KCNIP4: variants seen among roughly 807,000 people sequenced by gnomAD.
KCNIP4 encodes potassium voltage-gated channel interacting protein 4.
A neutral mutation model predicts 34.0 loss-of-function variants in KCNIP4; 12 were observed. That is an observed-to-expected ratio of 0.35 (90% CI 0.23 to 0.57). KCNIP4 has a LOEUF of 0.57. Among genes scored for constraint, KCNIP4 ranks in the 20% least tolerant of loss-of-function variants. The probability of loss-of-function intolerance (pLI) is 0.83; values close to 1 mark genes in which losing one functional copy is unlikely to be tolerated. For synonymous variants in KCNIP4, 124 were observed against 102.2 expected (o/e 1.21, Z -1.29); for missense variants, 238 against 311.7 (o/e 0.76, Z 1.78).
At chr4:21,246,211 TC>T (rs1406296724) in intron 1 of KCNIP4, among the ~76,000 whole-genome samples, 1 of 152,098 alleles carries the variant, frequency 6.6e-6, no homozygotes, top group Non-Finnish European at 1.5e-5. Flanking sequence ...GGACACCCTT[TC>T]CCTACACACA....
At chr4:21,934,887 G>C (rs987509817) in intron 1 of KCNIP4, among the ~76,000 whole-genome samples, 1 of 152,116 alleles carries the variant, frequency 6.6e-6, no homozygotes, top group African/African-American at 2.4e-5. Context: ...AAAATTGCTT[G>C]AGTGTCCCTC....
intron 1 of KCNIP4, among the ~76,000 whole-genome samples, chr4:21,701,669 G>A (rs1206794853): frequency 2.0e-5 from 3 of 152,070 alleles, no homozygotes; most frequent in Non-Finnish European, 4.4e-5. Context: ...CAAAAATTAA[G>A]ATGGATGTTT....
At chr4:21,257,179 A>C (rs2109093746) in intron 1 of KCNIP4, among the ~76,000 whole-genome samples, 1 of 152,282 alleles carries the variant, frequency 6.6e-6, no homozygotes, top group African/African-American at 2.4e-5. Context: ...GGGAAAGACT[A>C]AAAAAGGCAC....
chr4:21,444,056 C>T (rs1473059380), intron 1 of KCNIP4, among the ~76,000 whole-genome samples: 3 of 152,088 alleles, frequency 2.0e-5, no homozygotes, highest in East Asian at 1.9e-4. Flanking sequence ...ACACATACAC[C>T]CTCCCAAGAC....
intron 1 of KCNIP4, among the ~76,000 whole-genome samples, chr4:21,907,294 C>A (rs12506544): frequency 1.3e-5 from 2 of 151,888 alleles, no homozygotes; most frequent in Admixed American, 6.6e-5. Context: ...AAAGCAAGGC[C>A]GCCCCTCACA....
intron 1 of KCNIP4, among the ~76,000 whole-genome samples, chr4:21,733,960 G>C (rs1715800534): frequency 6.6e-6 from 1 of 152,148 alleles, no homozygotes; most frequent in Non-Finnish European, 1.5e-5. Flanking sequence ...AAAAGACCTT[G>C]CAGAGGTCTC....
intron 1 of KCNIP4, among the ~76,000 whole-genome samples, chr4:21,339,062 T>C (rs1716471416): frequency 6.6e-6 from 1 of 152,140 alleles, no homozygotes; most frequent in Non-Finnish European, 1.5e-5. Context: ...AGGAAGTAAG[T>C]CCTTGATTCC....
chr4:21,467,905 G>A (rs1730131185), intron 1 of KCNIP4, among the ~76,000 whole-genome samples: 1 of 152,122 alleles, frequency 6.6e-6, no homozygotes, highest in South Asian at 2.1e-4. Flanking sequence ...AAAACTTTAG[G>A]AAATATCCTG....
intron 3 of KCNIP4, among the ~76,000 whole-genome samples, chr4:20,847,358 G>T (rs1720504459): frequency 6.6e-6 from 1 of 152,112 alleles, no homozygotes; most frequent in Non-Finnish European, 1.5e-5. Flanking sequence ...CTCCAGACCA[G>T]CAGCATCAGC....
rs147251939 is a variant in KCNIP4 at position 21,430,373 on chromosome 4, C to T, written c.61+518198G>A. Among the ~76,000 whole-genome samples the T allele has an allele frequency of 7.6e-4, 115 of 150,472 alleles. 1 individual carries two copies. The highest frequency in any genetic ancestry group is 2.6e-3 in the African/African-American group (107 of 40,898). ...TCTCCCTTGATAAGGGAGGGTTTAT[C>T]AGTGGTATTCTATTAGCAAAGTAGA... On this transcript the variant is annotated intron_variant, in intron 1 of 8. Transcript: ENST00000382152.
At chr4:21,107,068 T>C (rs1259718834) in intron 1 of KCNIP4, among the ~76,000 whole-genome samples, 2 of 147,466 alleles carry the variant, frequency 1.4e-5, no homozygotes, top group Non-Finnish European at 3.0e-5. Context: ...AAAAAATGTA[T>C]ATTCTGTTGA....
chr4:20,932,287 C>G (rs1730560881), intron 1 of KCNIP4, among the ~76,000 whole-genome samples: 1 of 77,580 alleles, frequency 1.3e-5, no homozygotes, highest in Non-Finnish European at 2.3e-5. Context: ...CTATAACAGT[C>G]TAATATTGTA....
intron 1 of KCNIP4, among the ~76,000 whole-genome samples, chr4:21,384,091 C>T (rs1018639649): frequency 5.9e-5 from 9 of 152,084 alleles, no homozygotes; most frequent in African/African-American, 2.2e-4. Flanking sequence ...ATCCAGAATA[C>T]ACTTTCACCA....
intron 1 of KCNIP4, among the ~76,000 whole-genome samples, chr4:21,477,867 A>G (rs1461242704): frequency 6.6e-6 from 1 of 152,172 alleles, no homozygotes; most frequent in East Asian, 1.9e-4. Flanking sequence ...AGCCAAAGGA[A>G]CACAAGCCTG....
intron 1 of KCNIP4, among the ~76,000 whole-genome samples, chr4:21,466,969 C>T (rs1316367568): frequency 6.6e-6 from 1 of 151,932 alleles, no homozygotes; most frequent in African/African-American, 2.4e-5. Flanking sequence ...CCTGATCCTA[C>T]AGCTTTTCAG....
At chr4:21,030,927 T>G (rs983731747) in intron 1 of KCNIP4, among the ~76,000 whole-genome samples, 1 of 152,172 alleles carries the variant, frequency 6.6e-6, no homozygotes. Context: ...CCATGAAAGA[T>G]AGTCTCATTC....
intron 1 of KCNIP4, among the ~76,000 whole-genome samples, chr4:21,838,948 T>C (rs1723515359): frequency 6.6e-6 from 1 of 152,202 alleles, no homozygotes; most frequent in Non-Finnish European, 1.5e-5. Flanking sequence ...TGAATGTCCT[T>C]CAGTCAAATA....
intron 1 of KCNIP4, among the ~76,000 whole-genome samples, chr4:21,285,042 TAC>T (rs1005701685): frequency 3.9e-5 from 6 of 152,158 alleles, no homozygotes; most frequent in East Asian, 1.9e-4. Flanking sequence ...CCACATTTGA[TAC>T]ACACACATAA....
chr4:21,653,247 C>T (rs928663650), intron 1 of KCNIP4, among the ~76,000 whole-genome samples: 2 of 152,106 alleles, frequency 1.3e-5, no homozygotes, highest in Admixed American at 1.3e-4. Flanking sequence ...GGGCACACTG[C>T]CTGGGTTAAA....
Sources: gnomAD v4.1 joint callset for allele counts (sites outside exome capture counted in the v4.1 genomes callset) on GRCh38, gnomAD v4.1.1 for gene constraint, MANE v1.5 for transcripts, NCBI Gene and HGNC (gene_info 2026-07-23, HGNC 2026-07-21) for gene names.